The following SORCS1 variants were observed in gnomAD, a reference collection of about 807,000 sequenced individuals.
SORCS1 encodes VPS10 domain-containing receptor SorCS1.
Under a neutral mutation model 146.1 loss-of-function variants are expected in SORCS1, and 60 were observed. That is an observed-to-expected ratio of 0.41 (90% confidence interval 0.33 to 0.51). The LOEUF (loss-of-function observed/expected upper bound fraction) is 0.51. Among genes scored for constraint, SORCS1 ranks in the 20% least tolerant of loss-of-function variants. The pLI is 0.21. For synonymous variants in SORCS1, 637 were observed against 584.0 expected, an observed-to-expected ratio of 1.09 and a Z score of -1.31; for missense variants, 1,352 against 1,487.6, an observed-to-expected ratio of 0.91 and a Z score of 1.50.
chr10:106,823,752 A>T (rs1448443533), intron 3 of SORCS1, among the ~76,000 whole-genome samples: 1 of 152,186 alleles, frequency 6.6e-6, no homozygotes, highest in East Asian at 1.9e-4. Context: ...TCCTCAGGGA[A>T]ATTGATTAAA....
intron 15 of SORCS1, among the ~76,000 whole-genome samples, chr10:106,671,953 A>C (rs1851638729): frequency 6.6e-6 from 1 of 152,236 alleles, no homozygotes; most frequent in South Asian, 2.1e-4. Flanking sequence ...AGGAGAAAAT[A>C]TCAGCAATGT....
intron 1 of SORCS1, among the ~76,000 whole-genome samples, chr10:106,959,648 C>T (rs1955129923): frequency 1.3e-5 from 2 of 152,132 alleles, no homozygotes; most frequent in Admixed American, 1.3e-4. Context: ...TTTTCAAACT[C>T]AAAATGGGGC....
At chr10:107,035,747 T>C (rs1958880430) in intron 1 of SORCS1, among the ~76,000 whole-genome samples, 1 of 152,168 alleles carries the variant, frequency 6.6e-6, no homozygotes, top group Non-Finnish European at 1.5e-5. Context: ...TAATGTGTTT[T>C]AGAACAGACT....
Position 106,960,870 on chromosome 10 carries a change from G to A in SORCS1, c.559-4290C>T, listed in dbSNP as rs1231189284. 6.6e-6 allele frequency among the ~76,000 whole-genome samples: 1 copy of A among 152,154 alleles called. No homozygotes were observed. Among genetic ancestry groups the A allele is most frequent in the Non-Finnish European group, 1.5e-5 (1 of 68,038 alleles). On this transcript the variant is annotated intron_variant, in intron 1 of 25. Transcript: ENST00000263054. The surrounding 1 kb of genome is among the most constrained non-coding windows in gnomAD (Gnocchi z 4.4). Reference sequence around the variant, plus strand: ...CAAGGGCTTCTTCTCCCACAGCACTGAGCCACATTTTCATAACCCGGGCTC... The same window carrying A: ...CAAGGGCTTCTTCTCCCACAGCACTAAGCCACATTTTCATAACCCGGGCTC...
At chr10:106,760,582 C>G (rs1331710956) in intron 5 of SORCS1, among the ~76,000 whole-genome samples, 1 of 151,590 alleles carries the variant, frequency 6.6e-6, no homozygotes, top group Non-Finnish European at 1.5e-5. Flanking sequence ...GCACATTGAT[C>G]TCGAACTCCC....
chr10:107,147,946 A>G (rs920778998), intron 1 of SORCS1, among the ~76,000 whole-genome samples: 4 of 152,126 alleles, frequency 2.6e-5, no homozygotes. Context: ...AGTGTTGGAG[A>G]AATCGTCAGA....
At chr10:107,106,442 T>C (rs1482428882) in intron 1 of SORCS1, among the ~76,000 whole-genome samples, 1 of 152,220 alleles carries the variant, frequency 6.6e-6, no homozygotes, top group Non-Finnish European at 1.5e-5. Context: ...AAACCAGACC[T>C]GACAACTACC....
chr10:106,864,367 G>A (rs975829666), intron 2 of SORCS1, among the ~76,000 whole-genome samples: 1 of 151,834 alleles, frequency 6.6e-6, no homozygotes, highest in East Asian at 1.9e-4. Flanking sequence ...CGCTTCTCCC[G>A]TGGATCTTTG....
In SORCS1 at chr10:106,951,549, G is replaced by A. The variant is rs894853895; in HGVS notation, c.626+4964C>T. ...AAAAAAACGGAACACCTGGAGGACA[G>A]AGCCTATCTGCTGTTGATCTAGGTA... On this transcript the variant is annotated intron_variant, in intron 2 of 25. Coordinates refer to ENST00000263054, the MANE Select transcript of SORCS1 (RefSeq NM_052918.5). Among the ~76,000 whole-genome samples, 3 of 148,622 alleles carry A rather than the reference G, an allele frequency of 2.0e-5. No homozygotes were observed. In the East Asian group the frequency reaches 5.9e-4, roughly 29 times the overall value.
intron 17 of SORCS1, among the ~76,000 whole-genome samples, chr10:106,657,168 A>G (rs951542830): frequency 6.6e-6 from 1 of 152,202 alleles, no homozygotes; most frequent in African/African-American, 2.4e-5. Context: ...TGCTTATCAC[A>G]GCACAATTCA....
intron 2 of SORCS1, among the ~76,000 whole-genome samples, chr10:106,950,380 A>G (rs1403762604): frequency 6.6e-6 from 1 of 152,096 alleles, no homozygotes; most frequent in African/African-American, 2.4e-5. Flanking sequence ...CTACCCTACC[A>G]CCTCAAGGGC....
chr10:106,701,199 T>C (rs778372831), intron 8 of SORCS1, among the ~76,000 whole-genome samples: 7 of 152,222 alleles, frequency 4.6e-5, no homozygotes, highest in Non-Finnish European at 7.3e-5. Flanking sequence ...TTTAATATTT[T>C]CAATCTGATG....
At chr10:106,910,582 G>A (rs752929699) in intron 2 of SORCS1, among the ~76,000 whole-genome samples, 2 of 152,104 alleles carry the variant, frequency 1.3e-5, no homozygotes, top group Non-Finnish European at 1.5e-5. Context: ...TAATATAACC[G>A]TCGCTCACAG....
chr10:106,723,057 G>A (rs972939728), intron 6 of SORCS1, among the ~76,000 whole-genome samples: 2 of 152,198 alleles, frequency 1.3e-5, no homozygotes, highest in East Asian at 3.9e-4. Flanking sequence ...ATCTGGGTGT[G>A]GTGGCTCATG....
chr10:106,791,331 G>A (rs1273814725), intron 3 of SORCS1, among the ~76,000 whole-genome samples: 1 of 152,134 alleles, frequency 6.6e-6, no homozygotes, highest in Non-Finnish European at 1.5e-5. Flanking sequence ...TATGATTAAT[G>A]TAGATTAACA....
At chr10:107,017,466 C>T (rs535646836) in intron 1 of SORCS1, among the ~76,000 whole-genome samples, 3 of 152,188 alleles carry the variant, frequency 2.0e-5, no homozygotes, top group South Asian at 2.1e-4. Flanking sequence ...CAACAATCTA[C>T]GGAGTTGAAG....
intron 2 of SORCS1, among the ~76,000 whole-genome samples, chr10:106,950,915 AT>A (rs1443946594): frequency 6.6e-6 from 1 of 152,150 alleles, no homozygotes; most frequent in African/African-American, 2.4e-5. Flanking sequence ...CAGTATTGTC[AT>A]TATTACCATT....
At position 106,685,669 on chromosome 10, in the gene SORCS1, G is replaced by A. The variant is rs57128757; in HGVS notation, c.1560+2523C>T. On this transcript the variant is annotated intron_variant, in intron 10 of 25. Coordinates refer to ENST00000263054, the MANE Select transcript of SORCS1 (RefSeq NM_052918.5). Reference sequence around the variant, plus strand: ...AAAGAAACACCCCCTCCTCCACTCTGGCTTACATATAAGGAAGAAGGGGAG... The same window carrying A: ...AAAGAAACACCCCCTCCTCCACTCTAGCTTACATATAAGGAAGAAGGGGAG... 6.6e-4 allele frequency among the ~76,000 whole-genome samples: 101 copies of A among 152,220 alleles called. No homozygotes were observed. In the East Asian group the frequency reaches 0.018, roughly 27 times the overall value.
At chr10:106,589,424 T>G (rs1845459701) in intron 24 of SORCS1, among the ~76,000 whole-genome samples, 4 of 152,124 alleles carry the variant, frequency 2.6e-5, no homozygotes, top group Admixed American at 2.6e-4. Flanking sequence ...GACCAAGGGT[T>G]CTCATGAGAA....
Sources: allele counts gnomAD v4.1 joint callset (sites outside exome capture counted in the v4.1 genomes callset), GRCh38; gene constraint gnomAD v4.1.1; non-coding constraint Gnocchi (gnomAD v3.1); transcripts MANE v1.5; gene names NCBI Gene and HGNC (gene_info 2026-07-23, HGNC 2026-07-21).